METTL8: variants seen among roughly 807,000 people sequenced by gnomAD.
METTL8 encodes the protein methyltransferase 8, tRNA N3-cytidine.
METTL8 carries 32 observed loss-of-function variants against 48.7 expected under a neutral mutation model. That is an observed-to-expected ratio of 0.66 (90% CI 0.50 to 0.88). METTL8 has a LOEUF of 0.88. Among genes scored for constraint, METTL8 ranks in the 40% least tolerant of loss-of-function variants. METTL8 has a pLI of 0.00. For synonymous variants in METTL8, 136 were observed against 157.1 expected (o/e 0.87, Z 1.01); for missense variants, 464 against 474.4 (o/e 0.98, Z 0.20).
intron 1 of METTL8, among the ~76,000 whole-genome samples, chr2:171,417,069 G>A (rs1024184757): frequency 2.0e-5 from 3 of 152,204 alleles, no homozygotes; most frequent in Non-Finnish European, 4.4e-5. Flanking sequence ...AAGGGAAGTG[G>A]ATATCTTAGT....
At chr2:171,329,832 C>G (rs1685338756) in intron 7 of METTL8, among the ~76,000 whole-genome samples, 1 of 152,164 alleles carries the variant, frequency 6.6e-6, no homozygotes, top group Non-Finnish European at 1.5e-5. Context: ...TGTGAGAACC[C>G]AATTTTAAGA....
intron 1 of METTL8, among the ~76,000 whole-genome samples, chr2:171,414,095 A>C (rs1423011048): frequency 6.6e-6 from 1 of 152,184 alleles, no homozygotes; most frequent in Non-Finnish European, 1.5e-5. Flanking sequence ...TTGTACATGC[A>C]TAGAAAGGAA....
chr2:171,399,363 T>C (rs911041452), intron 1 of METTL8, among the ~76,000 whole-genome samples: 1 of 152,164 alleles, frequency 6.6e-6, no homozygotes, highest in Non-Finnish European at 1.5e-5. Context: ...CTGCCAGCTC[T>C]AGGTGTAGGT....
intron 9 of METTL8, 103 bp downstream of exon 9, chr2:171,325,738 A>T: frequency 1.4e-6 from 1 of 708,494 alleles, no homozygotes; most frequent in Non-Finnish European, 2.4e-6. Context: ...ATGCTTAATC[A>T]ATGACTGAAG....
At chr2:171,411,771 A>G (rs1370390721) in intron 1 of METTL8, among the ~76,000 whole-genome samples, 2 of 152,230 alleles carry the variant, frequency 1.3e-5, no homozygotes, top group Admixed American at 6.5e-5. Flanking sequence ...ACTCTTAAAC[A>G]TGATACCAAA....
chr2:171,361,656 C>T (rs995314192), intron 2 of METTL8, among the ~76,000 whole-genome samples: 1 of 152,146 alleles, frequency 6.6e-6, no homozygotes, highest in African/African-American at 2.4e-5. Flanking sequence ...TAGTGGCTAA[C>T]AGAAATTTAA....
chr2:171,334,836 T>A (rs1358135120), intron 5 of METTL8, among the ~76,000 whole-genome samples: 2 of 152,088 alleles, frequency 1.3e-5, no homozygotes, highest in Non-Finnish European at 2.9e-5. Context: ...ATGAGAGATA[T>A]TAATCAGGCA....
At chr2:171,417,860 A>C (rs555624140) in intron 1 of METTL8, among the ~76,000 whole-genome samples, 102 of 152,296 alleles carry the variant, frequency 6.7e-4, no homozygotes, top group Non-Finnish European at 1.2e-3. Context: ...TTATAAACTT[A>C]AGTCCATACT....
chr2:171,336,098 C>T (rs1686054544), intron 5 of METTL8, among the ~76,000 whole-genome samples: 1 of 150,968 alleles, frequency 6.6e-6, no homozygotes, highest in Non-Finnish European at 1.5e-5. Context: ...TAGTCAAACT[C>T]TGCTTTTTTT....
intron 3 of METTL8, among the ~76,000 whole-genome samples, chr2:171,340,128 G>GAGAAA (rs1686568793): frequency 6.6e-6 from 1 of 151,590 alleles, no homozygotes; most frequent in African/African-American, 2.4e-5. Flanking sequence ...AACCTGGGAG[G>GAGAAA]TGGAGGTTGC....
intron 2 of METTL8, among the ~76,000 whole-genome samples, chr2:171,374,028 C>T (rs1178005): frequency 0.99 from 150,801 of 152,350 alleles, 74,653 homozygotes; most frequent in Middle Eastern, 1. Flanking sequence ...AAGTCATTGG[C>T]AGCTTGATGG....
chr2:171,371,318 G>A (rs1686306077), intron 2 of METTL8, among the ~76,000 whole-genome samples: 2 of 151,966 alleles, frequency 1.3e-5, no homozygotes, highest in Admixed American at 1.3e-4. Context: ...GTTGGTTACT[G>A]TTATTAGTAA....
rs182186921 is a variant in METTL8 at position 171,340,779 on chromosome 2, C to T, written c.236-1225G>A. On this transcript the variant is annotated intron_variant, in intron 3 of 9. Coordinates refer to ENST00000375258, the MANE Select transcript of METTL8 (RefSeq NM_001321154.2). ...AATCCACTTGTTCCAAGTCCTAGAG[C>T]CCCATCACAGTGAATCCATGGCCAT... 1.4e-4 allele frequency among the ~76,000 whole-genome samples: 21 copies of T among 152,266 alleles called. No homozygotes were observed. In the East Asian group the frequency reaches 3.1e-3, roughly 22 times the overall value.
chr2:171,368,730 T>A (rs1416853404), intron 2 of METTL8, among the ~76,000 whole-genome samples: 2 of 152,086 alleles, frequency 1.3e-5, no homozygotes, highest in East Asian at 1.9e-4. Flanking sequence ...GGTATACCAG[T>A]GTATCATAAT....
intron 1 of METTL8, among the ~76,000 whole-genome samples, chr2:171,403,263 G>T (rs1452709609): frequency 6.6e-6 from 1 of 152,170 alleles, no homozygotes. Flanking sequence ...AACAGTGATA[G>T]TGCTGATAGC....
At chr2:171,350,815 A>AT (rs1326559498) in intron 3 of METTL8, among the ~76,000 whole-genome samples, 2 of 151,564 alleles carry the variant, frequency 1.3e-5, no homozygotes, top group African/African-American at 4.8e-5. Flanking sequence ...GGGTTGTTTG[A>AT]TTTTTTCTTG....
Position 171,398,460 on chromosome 2 carries a change from C to T in METTL8, c.-12-6263G>A, listed in dbSNP as rs934715783. 2.0e-5 allele frequency among the ~76,000 whole-genome samples: 3 copies of T among 151,592 alleles called. No homozygotes were observed. In the East Asian group the frequency reaches 5.8e-4, roughly 29 times the overall value. On this transcript the variant is annotated intron_variant, in intron 1 of 9. Coordinates refer to ENST00000375258, the MANE Select transcript of METTL8 (RefSeq NM_001321154.2). ...TATGAGGTTCCTAGAGTAGTCAAACCGATAGAGACAGGAAGTGGAGTGGTG... is the reference window on the plus strand; with the variant it reads ...TATGAGGTTCCTAGAGTAGTCAAACTGATAGAGACAGGAAGTGGAGTGGTG...
intron 1 of METTL8, among the ~76,000 whole-genome samples, chr2:171,408,835 G>A (rs551648711): frequency 4.6e-5 from 7 of 152,218 alleles, no homozygotes; most frequent in African/African-American, 1.7e-4. Context: ...TGGCTAATAA[G>A]GTTATTTCCA....
intron 3 of METTL8, among the ~76,000 whole-genome samples, chr2:171,339,898 TTTA>T: frequency 6.6e-6 from 1 of 152,328 alleles, no homozygotes; most frequent in South Asian, 2.1e-4. Context: ...TGTGTGGTTT[TTTA>T]TTATCTTAAA....
Sources: gnomAD v4.1 joint callset for allele counts (sites outside exome capture counted in the v4.1 genomes callset) on GRCh38, gnomAD v4.1.1 for gene constraint, MANE v1.5 for transcripts, NCBI Gene and HGNC (gene_info 2026-07-23, HGNC 2026-07-21) for gene names.